Variants in ADAMTS3 observed in about 807,000 individuals in gnomAD.
ADAMTS3 encodes the protein ADAM metallopeptidase with thrombospondin type 1 motif 3.
A neutral mutation model predicts 129.0 loss-of-function variants in ADAMTS3; 73 were observed. That is an observed-to-expected ratio of 0.57 (90% CI 0.47 to 0.69). The LOEUF (loss-of-function observed/expected upper bound fraction) is 0.69, where lower values mean the gene tolerates loss of function less well. Ranked by LOEUF, ADAMTS3 falls within the 30% of genes least tolerant of loss-of-function variation. The probability of loss-of-function intolerance (pLI) is 0.00; values close to 1 mark genes in which losing one functional copy is unlikely to be tolerated. For synonymous variants in ADAMTS3, 477 were observed against 510.8 expected, an observed-to-expected ratio of 0.93 and a Z score of 0.89; for missense variants, 1,457 against 1,514.5, an observed-to-expected ratio of 0.96 and a Z score of 0.63.
chr4:72,387,052 A>G (rs1459883573), intron 4 of ADAMTS3, among the ~76,000 whole-genome samples: 1 of 152,218 alleles, frequency 6.6e-6, no homozygotes, highest in Non-Finnish European at 1.5e-5. Flanking sequence ...CTGTTAAAGG[A>G]GTTTTAGAAA....
intron 4 of ADAMTS3, among the ~76,000 whole-genome samples, chr4:72,391,459 G>C (rs1187581742): frequency 3.3e-5 from 5 of 152,128 alleles, no homozygotes; most frequent in Admixed American, 3.3e-4. Context: ...AGAGCAGCTG[G>C]GGTGTAGACA....
At chr4:72,516,333 C>A (rs529688456) in intron 3 of ADAMTS3, among the ~76,000 whole-genome samples, 77 of 152,058 alleles carry the variant, frequency 5.1e-4, no homozygotes, top group African/African-American at 1.8e-3. Flanking sequence ...CTTTTTTGTT[C>A]CATATGAACT....
rs1718360681 is a variant in ADAMTS3 at position 72,282,072 on chromosome 4, T to C, written c.*1064A>G. The C allele has an allele frequency of 2.0e-5, 3 of 152,200 alleles. No individual in the cohort carries two copies. The highest frequency in any genetic ancestry group is 6.5e-5 in the Admixed American group (1 of 15,280). The allele number at this position is 152,200 out of a possible 1,614,324, so 9.4% of individuals were successfully genotyped here. ...TCAAAGCCCCAAAGCTCTACTATAC[T>C]CAAATATCAATTCTAGACTGATGAT... is the stretch of plus-strand genomic sequence containing the variant. On this transcript the variant is annotated 3_prime_UTR_variant, in exon 22 of 22. Coordinates refer to ENST00000286657, the MANE Select transcript of ADAMTS3 (RefSeq NM_014243.3).
At position 72,568,735 on chromosome 4, in the gene ADAMTS3, C is replaced by T; in HGVS notation, c.28G>A (p.Ala10Thr). 1 of 1,613,836 alleles carries T rather than the reference C, an allele frequency of 6.2e-7. No individual in the cohort carries two copies. The highest frequency in any genetic ancestry group is 8.5e-7 in the Non-Finnish European group (1 of 1,179,968). Reference protein sequence around the residue: MVLLSLWLIAAALVEVRTSA... With the variant: MVLLSLWLITAALVEVRTSA... ...GTCCTAACCTCTACCAGAGCGGCTG[C>T]TATCAACCAAAGTGACAGGAGAACC... Residue 10 changes from alanine (A) to threonine (T), a missense_variant, in exon 1 of 22, where the codon GCA becomes ACA. Transcript: ENST00000286657.
chr4:72,558,701 T>C (rs1721828463), intron 2 of ADAMTS3, among the ~76,000 whole-genome samples: 1 of 151,680 alleles, frequency 6.6e-6, no homozygotes, highest in Non-Finnish European at 1.5e-5. Context: ...CTGTATGATG[T>C]GTGACTCTTC....
chr4:72,554,860 T>C (rs1445903660), intron 2 of ADAMTS3, among the ~76,000 whole-genome samples: 1 of 151,866 alleles, frequency 6.6e-6, no homozygotes, highest in Non-Finnish European at 1.5e-5. Flanking sequence ...ACTTAGGTTC[T>C]ACCACTTACT....
chr4:72,471,031 G>A (rs1041977866), intron 3 of ADAMTS3, among the ~76,000 whole-genome samples: 8 of 152,054 alleles, frequency 5.3e-5, no homozygotes, highest in African/African-American at 7.2e-5. Context: ...CGAATGAGCC[G>A]TTTTTTCATG....
intron 3 of ADAMTS3, among the ~76,000 whole-genome samples, chr4:72,506,309 C>A (rs1720158146): frequency 6.6e-6 from 1 of 152,128 alleles, no homozygotes; most frequent in Non-Finnish European, 1.5e-5. Context: ...GGCTGGGGCA[C>A]CCAGCAATGG....
intron 4 of ADAMTS3, among the ~76,000 whole-genome samples, chr4:72,385,766 G>A (rs1721428570): frequency 6.6e-6 from 1 of 152,042 alleles, no homozygotes. Flanking sequence ...CACTACCTGG[G>A]TGATGGGTTC....
At chr4:72,431,021 T>A (rs1351276661) in intron 3 of ADAMTS3, among the ~76,000 whole-genome samples, 1 of 151,956 alleles carries the variant, frequency 6.6e-6, no homozygotes, top group Non-Finnish European at 1.5e-5. Flanking sequence ...ATTTTTTTTG[T>A]TCCATCAATG....
At chr4:72,315,768 G>A in intron 11 of ADAMTS3, 90 bp downstream of exon 11, 1 of 793,450 alleles carries the variant, frequency 1.3e-6, no homozygotes, top group Non-Finnish European at 2.0e-6. Flanking sequence ...AAAAATGACA[G>A]TGCAGCTGTG....
chr4:72,319,195 T>G (rs899417141), intron 9 of ADAMTS3, 137 bp downstream of exon 9: 6 of 1,061,438 alleles, frequency 5.7e-6, no homozygotes, highest in Non-Finnish European at 8.2e-6. Context: ...GTGCTGAATG[T>G]TCTAAGTCAT....
chr4:72,538,127 T>C (rs1721227871), intron 3 of ADAMTS3, among the ~76,000 whole-genome samples: 1 of 152,096 alleles, frequency 6.6e-6, no homozygotes, highest in Non-Finnish European at 1.5e-5. Flanking sequence ...GAACAGAGGC[T>C]AAAGGACCTG....
intron 3 of ADAMTS3, among the ~76,000 whole-genome samples, chr4:72,544,505 G>C (rs1452326945): frequency 1.3e-5 from 2 of 152,110 alleles, no homozygotes; most frequent in Admixed American, 6.6e-5. Flanking sequence ...ACTTGGATCA[G>C]GATTCCTAGA....
At chr4:72,484,759 C>G (rs1319307538) in intron 3 of ADAMTS3, among the ~76,000 whole-genome samples, 1 of 152,096 alleles carries the variant, frequency 6.6e-6, no homozygotes, top group African/African-American at 2.4e-5. Flanking sequence ...CAGCATATAG[C>G]CTACCTTAAA....
At position 72,548,646 on chromosome 4, in the gene ADAMTS3, C is replaced by T. The variant is rs576424155; in HGVS notation, c.336G>A (p.Glu112=). ...TTATATTCCCAGGCACCAGAGATGT[C>T]TCATGCCACTCCACAACAGCCCCAG... ...VAPGAVVEWH[E]TSLVPGNITD... The change falls in exon 3 of 22, where the codon GAG becomes GAA. Residue 112 remains glutamate (E), a synonymous_variant. Transcript: ENST00000286657. The T allele has an allele frequency of 1.9e-6, 3 of 1,613,880 alleles. No homozygotes were observed. Among genetic ancestry groups the T allele is most frequent in the African/African-American group, 2.7e-5 (2 of 74,892 alleles).
intron 4 of ADAMTS3, among the ~76,000 whole-genome samples, chr4:72,365,895 G>T (rs1720857280): frequency 1.3e-5 from 2 of 152,136 alleles, no homozygotes; most frequent in African/African-American, 4.8e-5. Flanking sequence ...AAATACTGAT[G>T]AATTTTATGG....
chr4:72,305,939 A>C, intron 16 of ADAMTS3, 48 bp downstream of exon 16: 2 of 1,472,218 alleles, frequency 1.4e-6, no homozygotes, highest in South Asian at 2.3e-5. Context: ...TTGACATTTC[A>C]ATGTTTCAGT....
chr4:72,381,988 G>T lies in ADAMTS3; in HGVS notation c.661+32827C>A, dbSNP rs142728252. Among the ~76,000 whole-genome samples the T allele has an allele frequency of 4.6e-5, 7 of 152,186 alleles. No individual in the cohort carries two copies. In the East Asian group the frequency reaches 1.3e-3, roughly 29 times the overall value. ...CTGCAGAAGAGGTTCTCAATTACAC[G>T]GACAGAATAACTCCTTCTGCACATG... On this transcript the variant is annotated intron_variant, in intron 4 of 21. Transcript: ENST00000286657.
Sources: gnomAD v4.1 joint callset for allele counts (sites outside exome capture counted in the v4.1 genomes callset) on GRCh38, gnomAD v4.1.1 for gene constraint, MANE v1.5 for transcripts, NCBI Gene and HGNC (gene_info 2026-07-23, HGNC 2026-07-21) for gene names.